The following CERKL variants were observed in gnomAD, a reference collection of about 807,000 sequenced individuals.
CERKL encodes the protein CERK like autophagy regulator.
A neutral mutation model predicts 63.4 loss-of-function variants in CERKL; 61 were observed. That is an observed-to-expected ratio of 0.96 (90% CI 0.78 to 1.19). The LOEUF (loss-of-function observed/expected upper bound fraction) is 1.19, where lower values mean the gene tolerates loss of function less well. CERKL is among the 50% of genes most tolerant of loss of function. The pLI is 0.00. For synonymous variants in CERKL, 250 were observed against 230.5 expected, an observed-to-expected ratio of 1.08 and a Z score of -0.77; for missense variants, 675 against 655.5, an observed-to-expected ratio of 1.03 and a Z score of -0.33.
chr2:181,591,074 A>C (rs1361357358), intron 2 of CERKL, among the ~76,000 whole-genome samples: 1 of 152,218 alleles, frequency 6.6e-6, no homozygotes, highest in African/African-American at 2.4e-5. Context: ...CTATTAAAAA[A>C]TATAAGGAAG....
intron 3 of CERKL, among the ~76,000 whole-genome samples, chr2:181,569,398 G>A (rs1214883591): frequency 6.6e-6 from 1 of 152,120 alleles, no homozygotes; most frequent in Non-Finnish European, 1.5e-5. Flanking sequence ...GCTTTCTGCT[G>A]GGTGAGATTT....
intron 2 of CERKL, among the ~76,000 whole-genome samples, chr2:181,602,152 C>T (rs1052667684): frequency 2.0e-5 from 3 of 152,132 alleles, no homozygotes; most frequent in Admixed American, 2.0e-4. Flanking sequence ...TTGTGATGTC[C>T]TCTGCTTCTT....
chr2:181,618,333 T>C (rs571385117), intron 1 of CERKL, among the ~76,000 whole-genome samples: 1 of 152,250 alleles, frequency 6.6e-6, no homozygotes, highest in South Asian at 2.1e-4. Flanking sequence ...TACTGCTTTT[T>C]TGATTGTTTT....
chr2:181,558,191 T>G lies in CERKL; in HGVS notation c.820+375A>C, dbSNP rs1688289506. Reference sequence around the variant, plus strand: ...GGAATTGTAAGCAGCTAGACTGGAGTGGCCCTGTTTTGAAACTTCTTACCT... The same window carrying G: ...GGAATTGTAAGCAGCTAGACTGGAGGGGCCCTGTTTTGAAACTTCTTACCT... On this transcript the variant is annotated intron_variant, in intron 5 of 12. Coordinates refer to ENST00000410087, the MANE Select transcript of CERKL (RefSeq NM_201548.5). This position sits in a 1 kb window ranked among gnomAD's most constrained non-coding sequence, Gnocchi z 4.2. 6.6e-6 allele frequency among the ~76,000 whole-genome samples: 1 copy of G among 152,116 alleles called. No individual in the cohort carries two copies. Among genetic ancestry groups the G allele is most frequent in the Admixed American group, 6.6e-5 (1 of 15,258 alleles).
At chr2:181,645,474 T>C (rs966799547) in intron 1 of CERKL, among the ~76,000 whole-genome samples, 26 of 152,230 alleles carry the variant, frequency 1.7e-4, no homozygotes, top group African/African-American at 4.8e-4. Flanking sequence ...TGGGAGGCCA[T>C]ACTGCATGGA....
At chr2:181,621,476 A>G (rs574996748) in intron 1 of CERKL, among the ~76,000 whole-genome samples, 4 of 152,306 alleles carry the variant, frequency 2.6e-5, no homozygotes, top group East Asian at 1.9e-4. Flanking sequence ...AAAGCCTTAA[A>G]TTGATTCAAA....
chr2:181,550,937 G>C lies in CERKL; in HGVS notation c.821-1229C>G, dbSNP rs1009251381. Among the ~76,000 whole-genome samples the C allele has an allele frequency of 6.6e-6, 1 of 152,054 alleles. No individual in the cohort carries two copies. The highest frequency in any genetic ancestry group is 1.9e-4 in the East Asian group (1 of 5,192). ...TTCACCAAAAGGCAAGTTATGCTGT[G>C]ACCCTTGTTACTCAAAATACGGCCT... On this transcript the variant is annotated intron_variant, in intron 5 of 12. Coordinates refer to ENST00000410087, the MANE Select transcript of CERKL (RefSeq NM_201548.5). The surrounding 1 kb of genome is among the most constrained non-coding windows in gnomAD (Gnocchi z 4.5).
intron 1 of CERKL, among the ~76,000 whole-genome samples, chr2:181,643,356 T>G (rs1476921512): frequency 6.6e-6 from 1 of 152,338 alleles, no homozygotes; most frequent in East Asian, 1.9e-4. Context: ...GACAAGATCT[T>G]AGGGCCTTCA....
intron 2 of CERKL, among the ~76,000 whole-genome samples, chr2:181,599,962 A>G (rs1354495898): frequency 2.0e-5 from 3 of 152,220 alleles, no homozygotes; most frequent in Non-Finnish European, 4.4e-5. Context: ...AAAGGGCCAA[A>G]TTACCTATAA....
At chr2:181,651,906 A>AC (rs1687954351) in intron 1 of CERKL, among the ~76,000 whole-genome samples, 2 of 77,900 alleles carry the variant, frequency 2.6e-5, no homozygotes, top group African/African-American at 1.2e-4. Flanking sequence ...CATTTATAGT[A>AC]CTTTTTTAAA....
intron 1 of CERKL, among the ~76,000 whole-genome samples, chr2:181,644,782 A>G (rs541149363): frequency 4.0e-5 from 6 of 149,046 alleles, no homozygotes; most frequent in Admixed American, 2.7e-4. Flanking sequence ...ACTGTAATGA[A>G]TCTTCATTAA....
intron 1 of CERKL, among the ~76,000 whole-genome samples, chr2:181,653,058 C>A (rs13029498): frequency 0.44 from 66,761 of 152,076 alleles, 16,264 homozygotes; most frequent in South Asian, 0.78. Flanking sequence ...CAGGCGTGAG[C>A]CACTGTGCCT....
intron 5 of CERKL, among the ~76,000 whole-genome samples, chr2:181,555,577 T>G (rs1688166497): frequency 6.6e-6 from 1 of 152,136 alleles, no homozygotes; most frequent in African/African-American, 2.4e-5. Flanking sequence ...TCAACAATAC[T>G]AAGTATTCTA....
intron 3 of CERKL, among the ~76,000 whole-genome samples, chr2:181,570,851 C>T (rs1193971433): frequency 6.6e-6 from 1 of 152,062 alleles, no homozygotes; most frequent in African/African-American, 2.4e-5. Context: ...TCCTAATTAA[C>T]TCATCATATA....
intron 2 of CERKL, among the ~76,000 whole-genome samples, chr2:181,577,156 C>G (rs771595728): frequency 1.3e-5 from 2 of 152,160 alleles, no homozygotes; most frequent in Admixed American, 6.6e-5. Context: ...TTCTAGAAAT[C>G]ATCCTCGTTG....
chr2:181,556,357 A>C (rs1382583654), intron 5 of CERKL, among the ~76,000 whole-genome samples: 1 of 151,986 alleles, frequency 6.6e-6, no homozygotes, highest in African/African-American at 2.4e-5. Context: ...CTCGTCATTT[A>C]CATTAGGTAT....
intron 2 of CERKL, among the ~76,000 whole-genome samples, chr2:181,579,051 A>T (rs986350851): frequency 1.1e-4 from 16 of 152,016 alleles, no homozygotes; most frequent in African/African-American, 2.9e-4. Context: ...AATGGTCTCA[A>T]ATCTTCACTC....
At chr2:181,539,645 C>G (rs1024282232) in intron 11 of CERKL, among the ~76,000 whole-genome samples, 16 of 152,120 alleles carry the variant, frequency 1.1e-4, no homozygotes, top group African/African-American at 2.9e-4. Context: ...CAAACTAGTA[C>G]AAGTTTCACA....
intron 1 of CERKL, among the ~76,000 whole-genome samples, chr2:181,634,815 A>G (rs1255813605): frequency 6.6e-6 from 1 of 152,174 alleles, no homozygotes; most frequent in African/African-American, 2.4e-5. Flanking sequence ...GCAATAAGTA[A>G]CTGCTGCAAC....
Sources: allele counts gnomAD v4.1 joint callset (sites outside exome capture counted in the v4.1 genomes callset), GRCh38; gene constraint gnomAD v4.1.1; non-coding constraint Gnocchi (gnomAD v3.1); transcripts MANE v1.5; gene names NCBI Gene and HGNC (gene_info 2026-07-23, HGNC 2026-07-21).